The following LMO7 variants were observed in gnomAD, a reference collection of about 807,000 sequenced individuals.
LMO7 encodes the protein LIM domain 7.
In LMO7, 120 loss-of-function variants were observed where a neutral mutation model predicts 206.5. The observed-to-expected ratio is 0.58, with a 90% CI of 0.50 to 0.68. The LOEUF (loss-of-function observed/expected upper bound fraction) is 0.68, where lower values mean the gene tolerates loss of function less well. LMO7 is among the 30% of genes least tolerant of loss of function. The pLI, the probability that LMO7 is intolerant of heterozygous loss-of-function variation, is 0.00. For missense variants in LMO7, 1,959 were observed against 1,957.9 expected, an observed-to-expected ratio of 1.00 and a Z score of -0.01; for synonymous variants, 706 against 681.5, an observed-to-expected ratio of 1.04 and a Z score of -0.56.
intron 1 of LMO7, among the ~76,000 whole-genome samples, chr13:75,709,039 C>T (rs987339690): frequency 1.8e-4 from 28 of 151,740 alleles, no homozygotes; most frequent in Non-Finnish European, 4.0e-4. Context: ...TGAGTGAGAA[C>T]ATGCGGTGTT....
chr13:75,833,535 AT>A (rs542637701), intron 16 of LMO7, among the ~76,000 whole-genome samples: 5 of 151,784 alleles, frequency 3.3e-5, no homozygotes, highest in South Asian at 2.1e-4. Context: ...TAATAAGTTG[AT>A]TTTTTTTGAG....
Position 75,857,950 on chromosome 13 carries a change from C to T in LMO7, c.*7C>T, listed in dbSNP as rs780111842. On this transcript the variant is annotated 3_prime_UTR_variant, in exon 31 of 31. Coordinates refer to ENST00000377534, the MANE Select transcript of LMO7 (RefSeq NM_001306080.2). Reference sequence around the variant, plus strand: ...ACGGCCAACCGCCATGTGATGTAAGCCTCCATACGAAAGCACTGTTGCAGA... The same window carrying T: ...ACGGCCAACCGCCATGTGATGTAAGTCTCCATACGAAAGCACTGTTGCAGA... 1.2e-6 allele frequency: 2 copies of T among 1,608,842 alleles called. No homozygotes were observed. Among genetic ancestry groups the T allele is most frequent in the Non-Finnish European group, 1.7e-6 (2 of 1,177,366 alleles).
At chr13:75,731,219 G>T (rs1240460534) in intron 3 of LMO7, among the ~76,000 whole-genome samples, 1 of 152,178 alleles carries the variant, frequency 6.6e-6, no homozygotes, top group Admixed American at 6.5e-5. Context: ...GCCTAATGTT[G>T]ACAGTGGGGT....
chr13:75,812,809 G>C (rs977424153), intron 11 of LMO7, among the ~76,000 whole-genome samples: 1 of 152,122 alleles, frequency 6.6e-6, no homozygotes, highest in African/African-American at 2.4e-5. Flanking sequence ...TTCTAAATTG[G>C]AGCCTTTCCA....
intron 27 of LMO7, among the ~76,000 whole-genome samples, chr13:75,851,077 C>T (rs773227445): frequency 6.6e-6 from 1 of 152,170 alleles, no homozygotes; most frequent in Non-Finnish European, 1.5e-5. Context: ...TATCAAGCTG[C>T]CATGTGCATC....
At chr13:75,645,961 C>T (rs1814893300) in intron 1 of LMO7, among the ~76,000 whole-genome samples, 1 of 152,174 alleles carries the variant, frequency 6.6e-6, no homozygotes, top group South Asian at 2.1e-4. Context: ...ATTTACATTC[C>T]TGACCCTGAC....
At chr13:75,724,671 C>T (rs948193972) in intron 2 of LMO7, among the ~76,000 whole-genome samples, 1 of 151,990 alleles carries the variant, frequency 6.6e-6, no homozygotes, top group Non-Finnish European at 1.5e-5. Flanking sequence ...TTTATAAGAC[C>T]CATTGTTTTT....
At chr13:75,743,049 T>A (rs1594688781) in intron 3 of LMO7, among the ~76,000 whole-genome samples, 1 of 151,816 alleles carries the variant, frequency 6.6e-6, no homozygotes, top group Non-Finnish European at 1.5e-5. Context: ...CACAAAAAAG[T>A]GGGCAAAGGA....
intron 2 of LMO7, among the ~76,000 whole-genome samples, chr13:75,719,834 T>G (rs187635068): frequency 6.6e-6 from 1 of 152,362 alleles, no homozygotes. Flanking sequence ...AATGTAAATT[T>G]TTAGCTCCTT....
At chr13:75,813,423 G>T (rs1463700546) in intron 11 of LMO7, among the ~76,000 whole-genome samples, 1 of 152,206 alleles carries the variant, frequency 6.6e-6, no homozygotes, top group Non-Finnish European at 1.5e-5. Flanking sequence ...GGTGAGAAAT[G>T]GGGGCTCGGA....
intron 2 of LMO7, among the ~76,000 whole-genome samples, chr13:75,717,196 T>A (rs2138246483): frequency 6.6e-6 from 1 of 152,006 alleles, no homozygotes; most frequent in East Asian, 1.9e-4. Flanking sequence ...ACCCCGTCTC[T>A]ATTAAAAATA....
intron 2 of LMO7, among the ~76,000 whole-genome samples, chr13:75,726,826 A>G (rs566292450): frequency 1.1e-4 from 17 of 152,242 alleles, no homozygotes; most frequent in Non-Finnish European, 1.9e-4. Context: ...GATATAGACT[A>G]TGGAGAACAA....
rs150794555 is a variant in LMO7, at chr13:75,845,472, T to C, written c.4150+93T>C. On this transcript the variant is annotated intron_variant, in intron 26 of 30. Transcript: ENST00000377534. ...ATTTTTAAGGTCAAGATATTTCAGATTCATTAAGATTACTTAATTAAAATA... is the reference window on the plus strand; with the variant it reads ...ATTTTTAAGGTCAAGATATTTCAGACTCATTAAGATTACTTAATTAAAATA... 9.3e-4 allele frequency: 646 copies of C among 695,590 alleles called. 14 individuals are homozygous for C. In the East Asian group the frequency reaches 0.013, roughly 14 times the overall value. The allele number at this position is 695,590 out of a possible 1,614,324, so 43.1% of individuals were successfully genotyped here. A position where few individuals can be genotyped will look rare whatever the true frequency, so the allele number is the denominator to read the frequency against.
chr13:75,748,712 A>G (rs1030099954), intron 3 of LMO7, among the ~76,000 whole-genome samples: 5 of 152,132 alleles, frequency 3.3e-5, no homozygotes, highest in South Asian at 2.1e-4. Context: ...TAGGAGGAAG[A>G]TGAGATTTAG....
intron 8 of LMO7, chr13:75,804,983 G>A: frequency 2.0e-6 from 2 of 998,402 alleles, no homozygotes; most frequent in Non-Finnish European, 2.4e-6. Flanking sequence ...CGGACTCTGA[G>A]GATGAACGAA....
intron 4 of LMO7, among the ~76,000 whole-genome samples, chr13:75,764,905 TTAAG>T (rs775814009): frequency 1.3e-5 from 2 of 152,108 alleles, no homozygotes; most frequent in African/African-American, 4.8e-5. Flanking sequence ...AAGTATAACT[TTAAG>T]TAAACATTGA....
In LMO7 at chr13:75,773,288, G is replaced by T. The variant is rs541976079; in HGVS notation, c.317+12250G>T. Among the ~76,000 whole-genome samples the T allele has an allele frequency of 2.6e-5, 4 of 152,224 alleles. No individual in the cohort carries two copies. The East Asian group carries it at 5.8e-4, about 22-fold the overall frequency. Reference sequence around the variant, plus strand: ...AGATTGGAGGCAGGATGAGAGGTAGGTTGGGACAAGCTTGAGTGAGGCCTG... The same window carrying T: ...AGATTGGAGGCAGGATGAGAGGTAGTTTGGGACAAGCTTGAGTGAGGCCTG... On this transcript the variant is annotated intron_variant, in intron 4 of 30. Transcript: ENST00000377534.
In LMO7 at chr13:75,806,045, A is replaced by T. The variant is rs548640414; in HGVS notation, c.1196+285A>T. 133 of 1,170,246 alleles carry T rather than the reference A, an allele frequency of 1.1e-4. No homozygotes were observed. In the African/African-American group the frequency reaches 1.9e-3, roughly 16 times the overall value. The allele number at this position is 1,170,246 out of a possible 1,614,324, so 72.5% of individuals were successfully genotyped here. On this transcript the variant is annotated intron_variant, in intron 9 of 30. Transcript: ENST00000377534. ...CATTCCCTCTTCCCTTCTTTTCTTC[A>T]TGTCACTCACAGTAGAAGGAATTCA...
At chr13:75,660,696 GAGGTTGTAGAGT>G (rs2038501644) in intron 1 of LMO7, among the ~76,000 whole-genome samples, 1 of 152,142 alleles carries the variant, frequency 6.6e-6, no homozygotes. Context: ...ATGGTCTCAG[GAGGTTGTAGAGT>G]AGGCCATCTA....
Sources: gnomAD v4.1 joint callset for allele counts (sites outside exome capture counted in the v4.1 genomes callset) on GRCh38, gnomAD v4.1.1 for gene constraint, MANE v1.5 for transcripts, NCBI Gene and HGNC (gene_info 2026-07-23, HGNC 2026-07-21) for gene names.